GIMAP1: variants seen among roughly 807,000 people sequenced by gnomAD.
GIMAP1 encodes the protein GTPase, IMAP family member 1, also known as GTPase IMAP family member 1.
For synonymous variants in GIMAP1, 230 were observed against 187.7 expected, an observed-to-expected ratio of 1.23 and a Z score of -1.84; for missense variants, 423 against 411.9, an observed-to-expected ratio of 1.03 and a Z score of -0.23.
rs200708956 is a variant in GIMAP1 at position 150,720,183 on chromosome 7, C to T, written c.179C>T (p.Thr60Met). Reference protein sequence around the residue: ...QRRFFSRLGATSVTRACTTGS... With the variant: ...QRRFFSRLGAMSVTRACTTGS... The stretch of plus-strand genomic sequence containing the variant: ...CGGTTCTTCTCCAGGCTGGGGGCCA[C>T]GTCTGTGACCAGGGCCTGCACCACG... The change falls in exon 3 of 3, where the codon ACG (threonine) becomes ATG (methionine). Residue 60 changes from threonine (T) to methionine (M), a missense_variant. Thr to Met is a moderately conservative substitution (Grantham distance 81). Coordinates refer to ENST00000307194, the MANE Select transcript of GIMAP1 (RefSeq NM_130759.4). The surrounding 1 kb of genome is among the most constrained non-coding windows in gnomAD (Gnocchi z 4.5). 4.6e-5 allele frequency: 74 copies of T among 1,614,130 alleles called. No homozygotes were observed. In the Admixed American group the frequency reaches 1.2e-3, roughly 26 times the overall value.
chr7:150,720,906 C>T lies in GIMAP1; in HGVS notation c.902C>T (p.Ala301Val). ...CACAGGCGGTGGTCGGAGGCCGTTG[C>T]GGAGGTCGGGCCTGACTGACAGCGC... ...LLHRRWSEAV[A>V]EVGPD is the part of the protein sequence containing the mutation. Residue 301 changes from alanine (A) to valine (V), a missense_variant, in exon 3 of 3, where the codon GCG becomes GTG. Transcript: ENST00000307194. The surrounding 1 kb of genome is among the most constrained non-coding windows in gnomAD (Gnocchi z 4.5). 4 of 1,578,948 alleles carry T rather than the reference C, an allele frequency of 2.5e-6. No individual in the cohort carries two copies. Among genetic ancestry groups the T allele is most frequent in the Non-Finnish European group, 3.4e-6 (4 of 1,168,596 alleles).
Position 150,720,117 on chromosome 7 carries a change from C to T in GIMAP1, c.113C>T (p.Ala38Val), listed in dbSNP as rs1028389231. Residue 38 changes from alanine (A) to valine (V), a missense_variant, in exon 3 of 3, where the codon GCC (alanine) becomes GTC (valine). Ala to Val is a moderately conservative substitution (Grantham distance 64). Transcript: ENST00000307194. This position sits in a 1 kb window ranked among gnomAD's most constrained non-coding sequence, Gnocchi z 4.5. ...RRLILVGRTG[A>V]GKSATGNSIL... Reference sequence around the variant, plus strand: ...CTCATCCTTGTTGGGAGAACAGGGGCCGGGAAGAGCGCCACTGGGAACAGC... The same window carrying T: ...CTCATCCTTGTTGGGAGAACAGGGGTCGGGAAGAGCGCCACTGGGAACAGC... The T allele has an allele frequency of 6.2e-7, 1 of 1,613,882 alleles. No homozygotes were observed. The highest frequency in any genetic ancestry group is 1.3e-5 in the African/African-American group (1 of 75,056).
Position 150,720,784 on chromosome 7 carries a change from G to C in GIMAP1, c.780G>C (p.Leu260=). ...AGAGGAGGCCATGGGGCGCCTGGCT[G>C]TCGGCCCGGCTGTGGAAGTGGCTGA... ...RVQRRPWGAW[L]SARLWKWLKS... The change falls in exon 3 of 3, where the codon CTG becomes CTC. Residue 260 remains leucine, a synonymous_variant. Transcript: ENST00000307194. This position sits in a 1 kb window ranked among gnomAD's most constrained non-coding sequence, Gnocchi z 4.5. The C allele has an allele frequency of 6.3e-7, 1 of 1,579,442 alleles. No individual in the cohort carries two copies. The highest frequency in any genetic ancestry group is 1.3e-5 in the African/African-American group (1 of 74,380).
chr7:150,719,125 C>G lies in GIMAP1; in HGVS notation c.43+35C>G, dbSNP rs186332265. ...TATCTCTACACCTCATACTTGCCCCCCTAGGCTTGAACTTAGGGTAATAAG... is the reference window on the plus strand; with the variant it reads ...TATCTCTACACCTCATACTTGCCCCGCTAGGCTTGAACTTAGGGTAATAAG... On this transcript the variant is annotated intron_variant, in intron 2 of 2. Transcript: ENST00000307194. 39 of 1,613,734 alleles carry G rather than the reference C, an allele frequency of 2.4e-5. No homozygotes were observed. In the Admixed American group the frequency reaches 5.2e-4, roughly 21 times the overall value.
rs370821027 is a variant in GIMAP1, at chr7:150,718,141, G to C, written c.-6-901G>C. Among the ~76,000 whole-genome samples, 9 of 152,294 alleles carry C rather than the reference G, an allele frequency of 5.9e-5. No individual in the cohort carries two copies. The East Asian group carries it at 1.3e-3, about 23-fold the overall frequency. ...CTGATTGTGAAGTAGCTGACCGAGT[G>C]GGGTATTGTCTGGGAATGAGGCTGG... On this transcript the variant is annotated intron_variant, in intron 1 of 2. Coordinates refer to ENST00000307194, the MANE Select transcript of GIMAP1 (RefSeq NM_130759.4).
rs763955467 is a variant in GIMAP1 at position 150,720,581 on chromosome 7, A to G, written c.577A>G (p.Thr193Ala). Residue 193 changes from threonine (T) to alanine (A), a missense_variant, in exon 3 of 3, where the codon ACC becomes GCC. Physicochemically the swap from Thr to Ala is moderately conservative, Grantham distance 58. Coordinates refer to ENST00000307194, the MANE Select transcript of GIMAP1 (RefSeq NM_130759.4). This position sits in a 1 kb window ranked among gnomAD's most constrained non-coding sequence, Gnocchi z 4.5. ...GGTCTGTGCCTTTGATAACCGGGCCACCGGCCGGGAGCAGGAAGCCCAGGT... is the reference window on the plus strand; with the variant it reads ...GGTCTGTGCCTTTGATAACCGGGCCGCCGGCCGGGAGCAGGAAGCCCAGGT... ...GRVCAFDNRA[T>A]GREQEAQVEQ... The G allele has an allele frequency of 6.2e-7, 1 of 1,613,604 alleles. No homozygotes were observed. The highest frequency in any genetic ancestry group is 8.5e-7 in the Non-Finnish European group (1 of 1,179,812).
Position 150,723,028 on chromosome 7 carries a change from A to G in GIMAP1, c.*2103A>G, listed in dbSNP as rs948957874. On this transcript the variant is annotated 3_prime_UTR_variant, in exon 3 of 3. Transcript: ENST00000307194. The stretch of plus-strand genomic sequence containing the variant: ...CCTGCCTCCTACCTCAGTAATAAAA[A>G]GTAGTAGTATATGGTTAATTGTCAA... 2.0e-5 allele frequency: 3 copies of G among 152,214 alleles called. No individual in the cohort carries two copies. The highest frequency in any genetic ancestry group is 1.3e-4 in the Admixed American group (2 of 15,284). The allele number at this position is 152,214 out of a possible 1,614,324, so 9.4% of individuals were successfully genotyped here. A position where few individuals can be genotyped will look rare whatever the true frequency, so the allele number is the denominator to read the frequency against.
chr7:150,717,376 T>A (rs1039275406), intron 1 of GIMAP1, among the ~76,000 whole-genome samples: 1 of 152,186 alleles, frequency 6.6e-6, no homozygotes, highest in East Asian at 1.9e-4. Context: ...TCAGGATGGA[T>A]CCAAGAGATG....
chr7:150,717,081 C>A (rs906974485), intron 1 of GIMAP1, among the ~76,000 whole-genome samples: 3 of 152,166 alleles, frequency 2.0e-5, no homozygotes, highest in African/African-American at 7.2e-5. Context: ...AGCCATCTAA[C>A]CTCGGAGTGA....
rs150164689 is a variant in GIMAP1, at chr7:150,719,326, C to G, written c.43+236C>G. The G allele has an allele frequency of 4.0e-5, 22 of 545,726 alleles. No homozygotes were observed. In the East Asian group the frequency reaches 5.8e-4, roughly 14 times the overall value. The allele number at this position is 545,726 out of a possible 1,614,324, so 33.8% of individuals were successfully genotyped here. ...ACAGTATAAAATAAGGATAATAAAC[C>G]TACTCCGATCACCGCAGAAGAAGTG... On this transcript the variant is annotated intron_variant, in intron 2 of 2. Coordinates refer to ENST00000307194, the MANE Select transcript of GIMAP1 (RefSeq NM_130759.4).
intron 2 of GIMAP1, 77 bp downstream of exon 2, chr7:150,719,167 C>G: frequency 6.3e-7 from 1 of 1,580,676 alleles, no homozygotes; most frequent in Non-Finnish European, 8.7e-7. Context: ...GGGGCTTCCT[C>G]AAGACTGAAC....
chr7:150,720,033 C>T lies in GIMAP1; in HGVS notation c.44-15C>T. 1.3e-6 allele frequency: 2 copies of T among 1,553,724 alleles called. No homozygotes were observed. Among genetic ancestry groups the T allele is most frequent in the South Asian group, 1.2e-5 (1 of 82,994 alleles). ...TGGTTAAACTTAAGTAAGATTATAA[C>T]ACTTGGTCTCACAGGTTTAGAAGAG... On this transcript the variant is annotated splice_polypyrimidine_tract_variant and intron_variant, in intron 2 of 2. Transcript: ENST00000307194. This position sits in a 1 kb window ranked among gnomAD's most constrained non-coding sequence, Gnocchi z 4.5.
Position 150,720,298 on chromosome 7 carries a change from T to G in GIMAP1, c.294T>G (p.Cys98Trp). The change falls in exon 3 of 3, where the codon TGT becomes TGG. Residue 98 changes from cysteine to tryptophan, a missense_variant. Transcript: ENST00000307194. The surrounding 1 kb of genome is among the most constrained non-coding windows in gnomAD (Gnocchi z 4.5). ...SSQVSKTDPG[C>W]EERGHCYLLS... ...AAGTGTCCAAGACAGATCCTGGCTG[T>G]GAGGAGAGAGGTCACTGCTACCTGC... 1.2e-6 allele frequency: 2 copies of G among 1,614,206 alleles called. No individual in the cohort carries two copies. The highest frequency in any genetic ancestry group is 1.7e-6 in the Non-Finnish European group (2 of 1,180,038).
intron 1 of GIMAP1, 121 bp from the exon 2 acceptor site, chr7:150,718,921 G>A: frequency 1.5e-6 from 2 of 1,323,430 alleles, no homozygotes; most frequent in Non-Finnish European, 1.1e-6. Context: ...TCTTTTCACT[G>A]TGCTGTCACC....
Position 150,720,086 on chromosome 7 carries a change from C to A in GIMAP1, c.82C>A (p.Arg28=), listed in dbSNP as rs777141777. ...ENAQSRQEST[R]RLILVGRTGA... is the part of the protein sequence containing the mutation. ...CGCTCAGTCCCGGCAGGAGTCCACG[C>A]GGAGGCTCATCCTTGTTGGGAGAAC... Residue 28 remains arginine (R), a synonymous_variant, in exon 3 of 3, where the codon CGG becomes AGG. Coordinates refer to ENST00000307194, the MANE Select transcript of GIMAP1 (RefSeq NM_130759.4). This position sits in a 1 kb window ranked among gnomAD's most constrained non-coding sequence, Gnocchi z 4.5. 3.1e-6 allele frequency: 5 copies of A among 1,612,382 alleles called. No homozygotes were observed. Among genetic ancestry groups the A allele is most frequent in the African/African-American group, 2.7e-5 (2 of 74,936 alleles).
In GIMAP1 at chr7:150,722,634, G is replaced by A. The variant is rs1306750850; in HGVS notation, c.*1709G>A. 2 of 152,288 alleles carry A rather than the reference G, an allele frequency of 1.3e-5. No individual in the cohort carries two copies. Among genetic ancestry groups the A allele is most frequent in the Admixed American group, 6.5e-5 (1 of 15,290 alleles). The allele number at this position is 152,288 out of a possible 1,614,324, so 9.4% of individuals were successfully genotyped here. A position where few individuals can be genotyped will look rare whatever the true frequency, so the allele number is the denominator to read the frequency against. On this transcript the variant is annotated 3_prime_UTR_variant, in exon 3 of 3. Transcript: ENST00000307194. Reference sequence around the variant, plus strand: ...CGAGCCAGTGCTGCTGCTGGTGTTAGACAACAACTTTTATCAAAGTGGTTT... The same window carrying A: ...CGAGCCAGTGCTGCTGCTGGTGTTAAACAACAACTTTTATCAAAGTGGTTT...
rs116883858 is a variant in GIMAP1, at chr7:150,722,018, G to T, written c.*1093G>T. The T allele has an allele frequency of 0.027, 4,143 of 152,240 alleles. 78 individuals carry two copies. Among genetic ancestry groups the T allele is most frequent in the Non-Finnish European group, 0.04 (2,738 of 68,020 alleles). 9.4% of individuals were successfully genotyped at this position (152,240 alleles called of 1,614,324 possible). ...ACCTGAGCATCCTATGCTGTGAGGC[G>T]AAAGCATCCGGTTTTTTCGGGATGG... On this transcript the variant is annotated 3_prime_UTR_variant, in exon 3 of 3. Coordinates refer to ENST00000307194, the MANE Select transcript of GIMAP1 (RefSeq NM_130759.4).
Position 150,722,194 on chromosome 7 carries a change from C to T in GIMAP1, c.*1269C>T, listed in dbSNP as rs1020521991. The T allele has an allele frequency of 6.6e-6, 1 of 152,244 alleles. No homozygotes were observed. Among genetic ancestry groups the T allele is most frequent in the African/African-American group, 2.4e-5 (1 of 41,444 alleles). The allele number at this position is 152,244 out of a possible 1,614,324, so 9.4% of individuals were successfully genotyped here. On this transcript the variant is annotated 3_prime_UTR_variant, in exon 3 of 3. Transcript: ENST00000307194. ...TCATTGTCTTTAAATCAGCCAGCCT[C>T]TAGTGAGGTCATGGAGACATGGGAA...
At position 150,720,345 on chromosome 7, in the gene GIMAP1, C is replaced by T. The variant is rs753825606; in HGVS notation, c.341C>T (p.Ala114Val). The change falls in exon 3 of 3, where the codon GCG becomes GTG. Residue 114 changes from alanine (A) to valine (V), a missense_variant. Coordinates refer to ENST00000307194, the MANE Select transcript of GIMAP1 (RefSeq NM_130759.4). The surrounding 1 kb of genome is among the most constrained non-coding windows in gnomAD (Gnocchi z 4.5). The part of the protein sequence containing the change: ...CYLLSAPGPH[A>V]LLLVTQLGRF... ...CTGCTCTCGGCCCCCGGACCCCACG[C>T]GCTGCTCCTGGTGACCCAGTTGGGT... 19 of 1,611,994 alleles carry T rather than the reference C, an allele frequency of 1.2e-5. No individual in the cohort carries two copies. The highest frequency in any genetic ancestry group is 8.9e-5 in the East Asian group (4 of 44,874).
Sources: gnomAD v4.1 joint callset for allele counts (sites outside exome capture counted in the v4.1 genomes callset) on GRCh38, gnomAD v4.1.1 for gene constraint, Gnocchi (gnomAD v3.1) non-coding constraint, MANE v1.5 for transcripts, NCBI Gene and HGNC (gene_info 2026-07-23, HGNC 2026-07-21) for gene names.